The following PPP1R12A variants were observed in gnomAD, a reference collection of about 807,000 sequenced individuals.
PPP1R12A encodes the protein protein phosphatase 1 regulatory subunit 12A, also known as myosin binding subunit.
In PPP1R12A, 19 loss-of-function variants were observed where a neutral mutation model predicts 139.6. The ratio of observed to expected loss-of-function variants is 0.14; its 90% CI spans 0.09 to 0.20. The LOEUF (loss-of-function observed/expected upper bound fraction) is 0.20. Ranked by LOEUF, PPP1R12A falls within the 10% of genes least tolerant of loss-of-function variation. The pLI, the probability that PPP1R12A is intolerant of heterozygous loss-of-function variation, is 1.00. For synonymous variants in PPP1R12A, 427 were observed against 420.6 expected, an observed-to-expected ratio of 1.02 and a Z score of -0.19; for missense variants, 925 against 1,211.5, an observed-to-expected ratio of 0.76 and a Z score of 3.51.
At chr12:79,827,925 A>G (rs1029629988) in intron 5 of PPP1R12A, among the ~76,000 whole-genome samples, 7 of 152,184 alleles carry the variant, frequency 4.6e-5, no homozygotes, top group Non-Finnish European at 8.8e-5. Flanking sequence ...ACCATCAGCT[A>G]AAGAATTAGA....
intron 1 of PPP1R12A, among the ~76,000 whole-genome samples, chr12:79,905,666 G>A (rs2137497644): frequency 6.6e-6 from 1 of 152,118 alleles, no homozygotes; most frequent in East Asian, 1.9e-4. Flanking sequence ...ATTTTTATTT[G>A]TACATTTGAT....
At chr12:79,807,364 TA>T in intron 11 of PPP1R12A, 34 bp from the exon 12 acceptor site, 1 of 1,330,824 alleles carries the variant, frequency 7.5e-7, no homozygotes, top group South Asian at 1.3e-5. Flanking sequence ...TTCTGGTACA[TA>T]ATTTTAAAAT....
At position 79,774,854 on chromosome 12, in the gene PPP1R12A, C is replaced by T. The variant is rs1243539592; in HGVS notation, c.*1075G>A. On this transcript the variant is annotated 3_prime_UTR_variant, in exon 25 of 25. Coordinates refer to ENST00000450142, the MANE Select transcript of PPP1R12A (RefSeq NM_002480.3). ...AATGTAAAGCAATTATCTTATGCAACTTTAATTATGGTTGAGTACTATCAA... is the reference window on the plus strand; with the variant it reads ...AATGTAAAGCAATTATCTTATGCAATTTTAATTATGGTTGAGTACTATCAA... The T allele has an allele frequency of 1.3e-5, 2 of 152,352 alleles. No homozygotes were observed. Among genetic ancestry groups the T allele is most frequent in the Non-Finnish European group, 2.9e-5 (2 of 67,974 alleles). 9.4% of individuals were successfully genotyped at this position (152,352 alleles called of 1,614,324 possible).
At chr12:79,789,710 A>G (rs1319521455) in intron 20 of PPP1R12A, 2 of 446,232 alleles carry the variant, frequency 4.5e-6, no homozygotes, top group East Asian at 7.1e-5. Flanking sequence ...GAGAAATGGA[A>G]TGGAGATCAA....
At position 79,775,725 on chromosome 12, in the gene PPP1R12A, AAAAAC is replaced by A. The variant is rs1359726226; in HGVS notation, c.*199_*203del. ...GAAACAATGGTCTTGATTAAAAAAA[AAAAAC>A]AAAAAACAAACCAACAACAACAAAA... On this transcript the variant is annotated 3_prime_UTR_variant, in exon 25 of 25. Transcript: ENST00000450142. 2 of 388,712 alleles carry A rather than the reference AAAAAC, an allele frequency of 5.1e-6. No homozygotes were observed. Among genetic ancestry groups the A allele is most frequent in the African/African-American group, 2.1e-5 (1 of 47,914 alleles). The allele number at this position is 388,712 out of a possible 1,614,324, so 24.1% of individuals were successfully genotyped here. A position where few individuals can be genotyped will look rare whatever the true frequency, so the allele number is the denominator to read the frequency against.
At position 79,796,909 on chromosome 12, in the gene PPP1R12A, G is replaced by C; in HGVS notation, c.2334C>G (p.Thr778=). The change falls in exon 17 of 25, where the codon ACC becomes ACG. Residue 778 remains threonine (T), a synonymous_variant. Coordinates refer to ENST00000450142, the MANE Select transcript of PPP1R12A (RefSeq NM_002480.3). ...RYRPVSTSSS[T]TPSSSLSTMS... Reference sequence around the variant, plus strand: ...TAGTAGAAAGTGAAGAGGATGGAGTGGTTGAACTTGAAGTTGATACTGGCC... The same window carrying C: ...TAGTAGAAAGTGAAGAGGATGGAGTCGTTGAACTTGAAGTTGATACTGGCC... The C allele has an allele frequency of 1.2e-6, 2 of 1,612,414 alleles. No individual in the cohort carries two copies. Among genetic ancestry groups the C allele is most frequent in the Non-Finnish European group, 8.5e-7 (1 of 1,179,110 alleles).
intron 2 of PPP1R12A, among the ~76,000 whole-genome samples, chr12:79,862,985 T>C (rs961168116): frequency 2.0e-5 from 3 of 151,944 alleles, no homozygotes; most frequent in South Asian, 2.1e-4. Flanking sequence ...AAGATACTCC[T>C]CGAGAAGAGC....
intron 14 of PPP1R12A, among the ~76,000 whole-genome samples, chr12:79,801,333 A>G (rs1873128286): frequency 7.7e-6 from 1 of 129,928 alleles, no homozygotes; most frequent in Non-Finnish European, 1.6e-5. Context: ...CAACTAGAGC[A>G]AAACTCTGTC....
intron 1 of PPP1R12A, among the ~76,000 whole-genome samples, chr12:79,923,023 C>T (rs992048001): frequency 6.6e-6 from 1 of 152,150 alleles, no homozygotes; most frequent in Non-Finnish European, 1.5e-5. Flanking sequence ...ACCTGTAATC[C>T]TAGCACTTTG....
At chr12:79,783,661 G>GA (rs1266402254) in intron 22 of PPP1R12A, among the ~76,000 whole-genome samples, 4 of 151,834 alleles carry the variant, frequency 2.6e-5, no homozygotes, top group African/African-American at 9.7e-5. Flanking sequence ...AAAAGCACCT[G>GA]AAAAAAATCA....
At chr12:79,933,636 C>G (rs1888419334) in intron 1 of PPP1R12A, among the ~76,000 whole-genome samples, 2 of 152,204 alleles carry the variant, frequency 1.3e-5, no homozygotes, top group African/African-American at 4.8e-5. Flanking sequence ...TATGTTTTGT[C>G]ACCTATTACC....
intron 1 of PPP1R12A, among the ~76,000 whole-genome samples, chr12:79,922,733 C>T (rs1000829759): frequency 2.0e-5 from 3 of 152,070 alleles, no homozygotes; most frequent in African/African-American, 7.2e-5. Flanking sequence ...ATACCTAATG[C>T]ATGCAGGGCT....
chr12:79,875,873 G>T (rs1328538537), intron 1 of PPP1R12A, among the ~76,000 whole-genome samples: 4 of 151,950 alleles, frequency 2.6e-5, no homozygotes, highest in Admixed American at 2.6e-4. Flanking sequence ...ACCACCAAAG[G>T]AAGTTCCTGT....
chr12:79,890,709 A>T (rs1007179857), intron 1 of PPP1R12A, among the ~76,000 whole-genome samples: 11 of 152,274 alleles, frequency 7.2e-5, no homozygotes, highest in Admixed American at 2.0e-4. Flanking sequence ...AACATAAAGC[A>T]TGGAGGCCTA....
chr12:79,891,037 T>G (rs1884594481), intron 1 of PPP1R12A, among the ~76,000 whole-genome samples: 1 of 151,072 alleles, frequency 6.6e-6, no homozygotes, highest in Non-Finnish European at 1.5e-5. Context: ...TGTCATGTCA[T>G]GACATGGAAA....
At chr12:79,932,267 C>T (rs1237712268) in intron 1 of PPP1R12A, among the ~76,000 whole-genome samples, 2 of 152,140 alleles carry the variant, frequency 1.3e-5, no homozygotes, top group Non-Finnish European at 2.9e-5. Flanking sequence ...TTCTTAAAGG[C>T]TTAAAATTTT....
intron 1 of PPP1R12A, among the ~76,000 whole-genome samples, chr12:79,878,149 T>G (rs1439051664): frequency 6.6e-6 from 1 of 151,786 alleles, no homozygotes; most frequent in Non-Finnish European, 1.5e-5. Context: ...AAATTTCACT[T>G]AATTGTATAC....
chr12:79,812,350 T>G (rs1415111540), intron 9 of PPP1R12A, among the ~76,000 whole-genome samples: 1 of 151,334 alleles, frequency 6.6e-6, no homozygotes, highest in Admixed American at 6.6e-5. Context: ...TCTTTTTCTT[T>G]TTACTCTGAC....
intron 2 of PPP1R12A, among the ~76,000 whole-genome samples, chr12:79,867,484 T>C (rs761466913): frequency 2.7e-5 from 4 of 150,228 alleles, no homozygotes; most frequent in Non-Finnish European, 4.4e-5. Flanking sequence ...TAAAATAAAA[T>C]AGAAAATATG....
Sources: allele counts gnomAD v4.1 joint callset (sites outside exome capture counted in the v4.1 genomes callset), GRCh38; gene constraint gnomAD v4.1.1; transcripts MANE v1.5; gene names NCBI Gene and HGNC (gene_info 2026-07-23, HGNC 2026-07-21).